The following BNC2 variants were observed in gnomAD, a reference collection of about 807,000 sequenced individuals.
The protein encoded by BNC2 is basonuclin zinc finger protein 2.
Under a neutral mutation model 76.3 loss-of-function variants are expected in BNC2, and 20 were observed. That is an observed-to-expected ratio of 0.26 (90% CI 0.18 to 0.38). BNC2 has a LOEUF of 0.38. Among genes scored for constraint, BNC2 ranks in the 10% least tolerant of loss-of-function variants. The pLI, the probability that BNC2 is intolerant of heterozygous loss-of-function variation, is 1.00. For synonymous variants in BNC2, 582 were observed against 514.8 expected, an observed-to-expected ratio of 1.13 and a Z score of -1.77; for missense variants, 1,382 against 1,399.8, an observed-to-expected ratio of 0.99 and a Z score of 0.20.
chr9:16,781,589 C>T (rs1217620906), intron 1 of BNC2, among the ~76,000 whole-genome samples: 1 of 152,144 alleles, frequency 6.6e-6, no homozygotes, highest in Non-Finnish European at 1.5e-5. Flanking sequence ...GCAATCTGCC[C>T]GCCCTGGCCT....
At chr9:16,421,340 A>G in intron 6 of BNC2, 1 of 1,171,318 alleles carries the variant, frequency 8.5e-7, no homozygotes, top group Non-Finnish European at 1.1e-6. Context: ...ACAGAGAGAG[A>G]GAAAGAAAGA....
In BNC2 at chr9:16,622,914, CGAT is replaced by C. The variant is rs1231127906; in HGVS notation, c.331-39832_331-39830del. ...TTTTTATTTCTCTACTGTTAAAAAA[CGAT>C]GAACAACTTTATTCTCTGGGTACCC... On this transcript the variant is annotated intron_variant, in intron 3 of 6. Coordinates refer to ENST00000380672, the MANE Select transcript of BNC2 (RefSeq NM_017637.6). 7.2e-5 allele frequency among the ~76,000 whole-genome samples: 11 copies of C among 152,158 alleles called. No homozygotes were observed. In the South Asian group the frequency reaches 2.3e-3, roughly 32 times the overall value.
intron 3 of BNC2, among the ~76,000 whole-genome samples, chr9:16,726,081 T>A (rs1824308825): frequency 6.6e-6 from 1 of 152,000 alleles, no homozygotes; most frequent in African/African-American, 2.4e-5. Flanking sequence ...AAGCACAAGT[T>A]ATTTGGTACT....
rs538335367 is a variant in BNC2, at chr9:16,516,303, G to A, written c.669+36227C>T. Among the ~76,000 whole-genome samples the A allele has an allele frequency of 8.6e-5, 13 of 150,890 alleles. No individual in the cohort carries two copies. The East Asian group carries it at 2.5e-3, about 30-fold the overall frequency. On this transcript the variant is annotated intron_variant, in intron 5 of 6. Transcript: ENST00000380672. ...ATAACGTTCTTGTGATGCCGCCTCA[G>A]GTATCAGAACTCTGAGAAGCGTTTG...
chr9:16,620,125 A>G (rs1820822927), intron 3 of BNC2, among the ~76,000 whole-genome samples: 1 of 152,192 alleles, frequency 6.6e-6, no homozygotes, highest in African/African-American at 2.4e-5. Context: ...AACAAGACAG[A>G]GCTAAATTCA....
intron 1 of BNC2, among the ~76,000 whole-genome samples, chr9:16,770,437 C>T (rs565642582): frequency 6.6e-6 from 1 of 152,324 alleles, no homozygotes; most frequent in South Asian, 2.1e-4. Flanking sequence ...TCTAAATTAA[C>T]TTGGTCTTTG....
chr9:16,677,808 A>G (rs1822697002), intron 3 of BNC2, among the ~76,000 whole-genome samples: 2 of 152,176 alleles, frequency 1.3e-5, no homozygotes, highest in Admixed American at 1.3e-4. Flanking sequence ...TAACTCAATG[A>G]GTATTCTGCA....
chr9:16,649,378 C>G (rs138614587), intron 3 of BNC2, among the ~76,000 whole-genome samples: 1 of 152,290 alleles, frequency 6.6e-6, no homozygotes, highest in East Asian at 1.9e-4. Context: ...CTTTCTCAGA[C>G]CCTTATAAAT....
rs765607483 is a variant in BNC2, at chr9:16,436,265, C to T, written c.1929G>A (p.Glu643=). 3.7e-6 allele frequency: 6 copies of T among 1,614,030 alleles called. No individual in the cohort carries two copies. The highest frequency in any genetic ancestry group is 3.4e-6 in the Non-Finnish European group (4 of 1,180,036). The change falls in exon 6 of 7, where the codon GAG becomes GAA. Residue 643 remains glutamate (E), a synonymous_variant. Coordinates refer to ENST00000380672, the MANE Select transcript of BNC2 (RefSeq NM_017637.6). The part of the protein sequence containing the change: ...PRKSSMPVKI[E]KEIIDTADEF... ...CATCGGCGGTATCAATAATTTCCTT[C>T]TCAATCTTCACAGGCATGCTTGACT...
intron 1 of BNC2, among the ~76,000 whole-genome samples, chr9:16,753,424 C>T (rs1294730154): frequency 6.6e-6 from 1 of 152,188 alleles, no homozygotes; most frequent in Non-Finnish European, 1.5e-5. Context: ...AAGAAAAGCA[C>T]TCTTCACACG....
intron 4 of BNC2, among the ~76,000 whole-genome samples, chr9:16,568,811 G>T (rs572002440): frequency 1.7e-4 from 26 of 152,250 alleles, no homozygotes; most frequent in Non-Finnish European, 3.5e-4. Flanking sequence ...GTGATTAAGA[G>T]AAAAATTTCT....
At chr9:16,687,985 G>A (rs1823025973) in intron 3 of BNC2, among the ~76,000 whole-genome samples, 1 of 152,136 alleles carries the variant, frequency 6.6e-6, no homozygotes. Flanking sequence ...GAACTAGTAG[G>A]GAAGTGGGTA....
intron 1 of BNC2, among the ~76,000 whole-genome samples, chr9:16,806,173 C>G (rs1027106978): frequency 6.6e-6 from 1 of 152,060 alleles, no homozygotes; most frequent in African/African-American, 2.4e-5. Context: ...TATAAAAATA[C>G]TCAAATATTT....
chr9:16,609,771 T>A (rs1426052448), intron 3 of BNC2, among the ~76,000 whole-genome samples: 1 of 152,166 alleles, frequency 6.6e-6, no homozygotes, highest in Admixed American at 6.5e-5. Flanking sequence ...ATCTTTTTCT[T>A]TTTGACAAAA....
At chr9:16,623,533 T>C (rs905006784) in intron 3 of BNC2, among the ~76,000 whole-genome samples, 2 of 152,204 alleles carry the variant, frequency 1.3e-5, no homozygotes, top group Non-Finnish European at 2.9e-5. Flanking sequence ...CTTAAACAAC[T>C]ACACTTTGTA....
intron 3 of BNC2, among the ~76,000 whole-genome samples, chr9:16,674,002 T>C (rs985999704): frequency 5.9e-5 from 9 of 152,264 alleles, no homozygotes; most frequent in Admixed American, 4.6e-4. Context: ...TTAGTTGTTA[T>C]AGCTTTACTC....
intron 5 of BNC2, among the ~76,000 whole-genome samples, chr9:16,516,838 G>C (rs913717880): frequency 6.6e-6 from 1 of 152,138 alleles, no homozygotes; most frequent in African/African-American, 2.4e-5. Context: ...TCCAAATGTA[G>C]TAAAATAATC....
At chr9:16,663,576 T>A (rs866716344) in intron 3 of BNC2, among the ~76,000 whole-genome samples, 11 of 152,226 alleles carry the variant, frequency 7.2e-5, no homozygotes, top group South Asian at 2.1e-4. Flanking sequence ...GGTACTAATA[T>A]TCTAGTTCTT....
intron 3 of BNC2, among the ~76,000 whole-genome samples, chr9:16,676,807 G>C (rs1587304839): frequency 6.6e-6 from 1 of 152,106 alleles, no homozygotes; most frequent in African/African-American, 2.4e-5. Context: ...GAAAAAAAAA[G>C]CAAGTTCATG....
Sources: gnomAD v4.1 joint callset for allele counts (sites outside exome capture counted in the v4.1 genomes callset) on GRCh38, gnomAD v4.1.1 for gene constraint, MANE v1.5 for transcripts, NCBI Gene and HGNC (gene_info 2026-07-23, HGNC 2026-07-21) for gene names.